FNDC3B: variants seen among roughly 807,000 people sequenced by gnomAD.
FNDC3B encodes the protein fibronectin type III domain-containing protein 3B.
FNDC3B carries 12 observed loss-of-function variants against 151.5 expected under a neutral mutation model. The ratio of observed to expected loss-of-function variants is 0.08; its 90% confidence interval spans 0.05 to 0.13. FNDC3B has a LOEUF of 0.13. FNDC3B is among the 10% of genes least tolerant of loss of function. The pLI is 1.00. For synonymous variants in FNDC3B, 528 were observed against 549.0 expected, an observed-to-expected ratio of 0.96 and a Z score of 0.54; for missense variants, 1,214 against 1,505.3, an observed-to-expected ratio of 0.81 and a Z score of 3.20.
chr3:172,365,341 C>T (rs965352137), intron 23 of FNDC3B, among the ~76,000 whole-genome samples: 1 of 152,050 alleles, frequency 6.6e-6, no homozygotes, highest in African/African-American at 2.4e-5. Flanking sequence ...TTTCATTAAC[C>T]ACCAGTAAGT....
chr3:172,130,113 T>TAAAA (rs1720996916), intron 2 of FNDC3B, among the ~76,000 whole-genome samples: 1 of 152,178 alleles, frequency 6.6e-6, no homozygotes, highest in African/African-American at 2.4e-5. Context: ...CAAGACCTTT[T>TAAAA]GCCGCCAGCT....
intron 14 of FNDC3B, 124 bp from the exon 15 acceptor site, chr3:172,334,818 AAG>A (rs952214498): frequency 1.3e-6 from 1 of 783,356 alleles, no homozygotes; most frequent in African/African-American, 1.8e-5. Context: ...CTTGAGTTGA[AAG>A]AGAAAAAAAT....
chr3:172,261,312 A>T (rs1038597336), intron 6 of FNDC3B, among the ~76,000 whole-genome samples: 4 of 152,170 alleles, frequency 2.6e-5, no homozygotes, highest in African/African-American at 9.7e-5. Flanking sequence ...GAATTTTGGC[A>T]AATTTCCTGC....
At chr3:172,215,857 C>T (rs1725950514) in intron 3 of FNDC3B, among the ~76,000 whole-genome samples, 1 of 152,126 alleles carries the variant, frequency 6.6e-6, no homozygotes, top group Non-Finnish European at 1.5e-5. Flanking sequence ...TACCTCGGGG[C>T]ATTTAAAATT....
At chr3:172,303,630 C>G (rs1343796377) in intron 9 of FNDC3B, among the ~76,000 whole-genome samples, 1 of 152,032 alleles carries the variant, frequency 6.6e-6, no homozygotes, top group Non-Finnish European at 1.5e-5. Context: ...AAAAACTGAA[C>G]TGTTTGCTGA....
At chr3:172,277,643 A>C (rs978855698) in intron 6 of FNDC3B, among the ~76,000 whole-genome samples, 1 of 152,170 alleles carries the variant, frequency 6.6e-6, no homozygotes, top group African/African-American at 2.4e-5. Flanking sequence ...GTTTTAAAAT[A>C]TGTATTTTTT....
intron 3 of FNDC3B, among the ~76,000 whole-genome samples, chr3:172,196,443 A>G (rs963073070): frequency 5.9e-5 from 9 of 152,058 alleles, no homozygotes; most frequent in Admixed American, 5.9e-4. Flanking sequence ...GCCCTGACCT[A>G]CCAAAGTACT....
rs1023885577 is a variant in FNDC3B at position 172,040,983 on chromosome 3, A to G, written c.-29+1212A>G. On this transcript the variant is annotated intron_variant, in intron 1 of 25. Transcript: ENST00000415807. The surrounding 1 kb of genome is among the most constrained non-coding windows in gnomAD (Gnocchi z 6.6). The stretch of plus-strand genomic sequence containing the variant: ...GCTCCCACCCTGCCATCCCAGACGA[A>G]GGGAAGCAATGGCATTTTATCCAGA... Among the ~76,000 whole-genome samples the G allele has an allele frequency of 6.6e-6, 1 of 152,206 alleles. No homozygotes were observed. Among genetic ancestry groups the G allele is most frequent in the Admixed American group, 6.5e-5 (1 of 15,280 alleles).
chr3:172,213,722 T>G (rs1447196560), intron 3 of FNDC3B, among the ~76,000 whole-genome samples: 1 of 152,182 alleles, frequency 6.6e-6, no homozygotes, highest in East Asian at 1.9e-4. Context: ...TTTTTTAGCC[T>G]TTCCAGATTA....
chr3:172,083,466 C>T (rs1032899001), intron 1 of FNDC3B, among the ~76,000 whole-genome samples: 1 of 152,240 alleles, frequency 6.6e-6, no homozygotes, highest in Non-Finnish European at 1.5e-5. Context: ...CCTCATCTGT[C>T]TGTTCACATT....
intron 15 of FNDC3B, among the ~76,000 whole-genome samples, chr3:172,336,432 G>A (rs190004160): frequency 6.6e-6 from 1 of 152,256 alleles, no homozygotes; most frequent in Non-Finnish European, 1.5e-5. Flanking sequence ...CTGTCTGCTG[G>A]TGCACTGGTT....
chr3:172,174,814 T>A (rs1053723321), intron 3 of FNDC3B, among the ~76,000 whole-genome samples: 26 of 152,118 alleles, frequency 1.7e-4, no homozygotes, highest in African/African-American at 6.3e-4. Context: ...ATGATGTTTA[T>A]CTAGCTGCTG....
chr3:172,342,784 G>A (rs1404031206), intron 17 of FNDC3B, among the ~76,000 whole-genome samples: 1 of 152,142 alleles, frequency 6.6e-6, no homozygotes, highest in African/African-American at 2.4e-5. Context: ...AATCATTCTT[G>A]TTTTTCCCAG....
rs1733917122 is a variant in FNDC3B, at chr3:172,352,767, G to A, written c.2515-36G>A. 5 of 1,597,408 alleles carry A rather than the reference G, an allele frequency of 3.1e-6. No individual in the cohort carries two copies. Among genetic ancestry groups the A allele is most frequent in the South Asian group, 2.2e-5 (2 of 89,418 alleles). ...AGAGGCATCAAAATGTGCTAATGGT[G>A]TAATATGGCCTTTGTCTTGCTGTTC... On this transcript the variant is annotated intron_variant, in intron 21 of 25. Transcript: ENST00000415807. This position sits in a 1 kb window ranked among gnomAD's most constrained non-coding sequence, Gnocchi z 4.2.
At chr3:172,065,552 G>A (rs1576830908) in intron 1 of FNDC3B, among the ~76,000 whole-genome samples, 1 of 152,188 alleles carries the variant, frequency 6.6e-6, no homozygotes, top group East Asian at 1.9e-4. Context: ...ATTGGAAAGT[G>A]GGCAGGTTTA....
At chr3:172,071,900 T>G (rs972887558) in intron 1 of FNDC3B, among the ~76,000 whole-genome samples, 7 of 151,996 alleles carry the variant, frequency 4.6e-5, no homozygotes, top group Middle Eastern at 3.4e-3. Flanking sequence ...AGATAGAAAC[T>G]GAGACATGGA....
chr3:172,326,716 C>T (rs1169778771), intron 11 of FNDC3B, among the ~76,000 whole-genome samples: 1 of 152,142 alleles, frequency 6.6e-6, no homozygotes, highest in African/African-American at 2.4e-5. Flanking sequence ...GTCATTTCTC[C>T]CCTTCGAACC....
chr3:172,120,018 G>C (rs539588142), intron 2 of FNDC3B, among the ~76,000 whole-genome samples: 1 of 152,184 alleles, frequency 6.6e-6, no homozygotes, highest in Non-Finnish European at 1.5e-5. Context: ...CACTACAAAA[G>C]CTTCCAAAAA....
chr3:172,252,609 C>A (rs1263712297), intron 6 of FNDC3B, among the ~76,000 whole-genome samples: 1 of 151,842 alleles, frequency 6.6e-6, no homozygotes, highest in African/African-American at 2.4e-5. Flanking sequence ...TTTTGAGTGT[C>A]TATGGAAGAG....
Sources: allele counts gnomAD v4.1 joint callset (sites outside exome capture counted in the v4.1 genomes callset), GRCh38; gene constraint gnomAD v4.1.1; non-coding constraint Gnocchi (gnomAD v3.1); transcripts MANE v1.5; gene names NCBI Gene and HGNC (gene_info 2026-07-23, HGNC 2026-07-21).